Variants in SLC26A5 observed in about 807,000 individuals in gnomAD.
SLC26A5 encodes the protein solute carrier family 26 member 5, also known as prestin.
Under a neutral mutation model 81.0 loss-of-function variants are expected in SLC26A5, and 51 were observed. That is an observed-to-expected ratio of 0.63 (90% CI 0.50 to 0.80). The LOEUF is 0.80. Among genes scored for constraint, SLC26A5 ranks in the 30% least tolerant of loss-of-function variants. SLC26A5 has a pLI of 0.00. For synonymous variants in SLC26A5, 325 were observed against 332.8 expected (o/e 0.98, Z 0.25); for missense variants, 771 against 905.8 (o/e 0.85, Z 1.91).
At chr7:103,404,883 T>G (rs149413770) in intron 8 of SLC26A5, among the ~76,000 whole-genome samples, 3,421 of 152,198 alleles carry the variant, frequency 0.022, 143 homozygotes, top group African/African-American at 0.078. Context: ...TTCATTCCTT[T>G]TCATTCTTTT....
chr7:103,434,431 T>A (rs1219844854), intron 2 of SLC26A5, among the ~76,000 whole-genome samples: 1 of 152,204 alleles, frequency 6.6e-6, no homozygotes, highest in African/African-American at 2.4e-5. Context: ...TGCATGTTTT[T>A]TCATTCACTT....
chr7:103,434,483 CT>C (rs1001942469), intron 2 of SLC26A5, among the ~76,000 whole-genome samples: 5 of 152,206 alleles, frequency 3.3e-5, no homozygotes, highest in African/African-American at 4.8e-5. Context: ...ACTACAGGAA[CT>C]TTTTTTCCTA....
intron 19 of SLC26A5, chr7:103,355,879 C>G: frequency 1.1e-6 from 1 of 887,582 alleles, no homozygotes; most frequent in South Asian, 2.3e-5. Context: ...TGCAATAGTT[C>G]ATAAATAATT....
intron 19 of SLC26A5, chr7:103,362,003 A>C: frequency 6.2e-7 from 1 of 1,613,950 alleles, no homozygotes; most frequent in Non-Finnish European, 8.5e-7. Context: ...AAAATACATT[A>C]TCAACGTAAA....
intron 8 of SLC26A5, among the ~76,000 whole-genome samples, chr7:103,398,804 C>G (rs918488399): frequency 2.6e-5 from 4 of 152,116 alleles, no homozygotes; most frequent in Non-Finnish European, 4.4e-5. Context: ...CTGCAGGAAA[C>G]AAATAATAAA....
chr7:103,387,745 G>A (rs1329976157), intron 14 of SLC26A5, among the ~76,000 whole-genome samples: 5 of 152,044 alleles, frequency 3.3e-5, no homozygotes, highest in Non-Finnish European at 5.9e-5. Flanking sequence ...GCAATGGCAC[G>A]ACCTCGGCTC....
At chr7:103,387,075 T>C (rs938536956) in intron 14 of SLC26A5, among the ~76,000 whole-genome samples, 1 of 152,232 alleles carries the variant, frequency 6.6e-6, no homozygotes, top group Non-Finnish European at 1.5e-5. Flanking sequence ...GTTATAGATA[T>C]TTTAAAACCA....
At chr7:103,416,117 T>C (rs561153158) in intron 4 of SLC26A5, among the ~76,000 whole-genome samples, 3 of 152,258 alleles carry the variant, frequency 2.0e-5, no homozygotes, top group Non-Finnish European at 2.9e-5. Flanking sequence ...CCTGTTTTTG[T>C]TTCATAGATT....
intron 10 of SLC26A5, among the ~76,000 whole-genome samples, 181 bp from the exon 11 acceptor site, chr7:103,391,916 G>A (rs1481543894): frequency 6.6e-6 from 1 of 152,184 alleles, no homozygotes; most frequent in Admixed American, 6.5e-5. Flanking sequence ...ATAGTGAGAG[G>A]GGGGAACATT....
At chr7:103,440,179 T>C (rs1826774645) in intron 2 of SLC26A5, among the ~76,000 whole-genome samples, 1 of 152,172 alleles carries the variant, frequency 6.6e-6, no homozygotes. Context: ...TAGATATTTG[T>C]TGGATAATGA....
intron 4 of SLC26A5, 73 bp downstream of exon 4, chr7:103,420,665 A>C: frequency 6.4e-7 from 1 of 1,568,726 alleles, no homozygotes; most frequent in Non-Finnish European, 8.7e-7. Flanking sequence ...ATTTGCAATC[A>C]TGATGAAATA....
chr7:103,391,876 G>A (rs1822689060), intron 10 of SLC26A5, 141 bp from the exon 11 acceptor site: 6 of 738,456 alleles, frequency 8.1e-6, no homozygotes, highest in Non-Finnish European at 1.4e-5. Flanking sequence ...TGTTCAGCAT[G>A]AGTTCAAAAT....
At chr7:103,409,616 C>T (rs1314571922) in intron 7 of SLC26A5, among the ~76,000 whole-genome samples, 1 of 151,982 alleles carries the variant, frequency 6.6e-6, no homozygotes, top group East Asian at 1.9e-4. Flanking sequence ...TTTATATTTT[C>T]TCTGTGTTTG....
intron 14 of SLC26A5, among the ~76,000 whole-genome samples, chr7:103,387,803 T>G (rs1295587967): frequency 6.6e-6 from 1 of 152,148 alleles, no homozygotes; most frequent in African/African-American, 2.4e-5. Context: ...TGCCTCAGCC[T>G]CCTAAGTAGC....
At chr7:103,417,648 C>T (rs1323257034) in intron 4 of SLC26A5, among the ~76,000 whole-genome samples, 1 of 152,156 alleles carries the variant, frequency 6.6e-6, no homozygotes, top group African/African-American at 2.4e-5. Context: ...TTTGGGCTCA[C>T]CATATATTAA....
At chr7:103,366,176 C>T (rs760231306) in intron 19 of SLC26A5, 30 of 1,586,462 alleles carry the variant, frequency 1.9e-5, no homozygotes, top group Non-Finnish European at 2.5e-5. Flanking sequence ...GAGAATGATA[C>T]GTTAGAGAAC....
At chr7:103,399,969 A>G (rs953226493) in intron 8 of SLC26A5, among the ~76,000 whole-genome samples, 1 of 152,080 alleles carries the variant, frequency 6.6e-6, no homozygotes, top group African/African-American at 2.4e-5. Flanking sequence ...CCAGTCTATC[A>G]TTGATGGGCA....
intron 19 of SLC26A5, among the ~76,000 whole-genome samples, chr7:103,375,786 T>C (rs1199975347): frequency 6.6e-6 from 1 of 151,546 alleles, no homozygotes; most frequent in Non-Finnish European, 1.5e-5. Flanking sequence ...GACGGAGTCT[T>C]ACTCTGTCAC....
At chr7:103,435,110 C>T (rs1158082538) in intron 2 of SLC26A5, 1 of 152,142 alleles carries the variant, frequency 6.6e-6, no homozygotes, top group African/African-American at 2.4e-5. Flanking sequence ...CCATTATTAG[C>T]CTTCTAGTAA....
Sources: allele counts gnomAD v4.1 joint callset (sites outside exome capture counted in the v4.1 genomes callset), GRCh38; gene constraint gnomAD v4.1.1; transcripts MANE v1.5; gene names NCBI Gene and HGNC (gene_info 2026-07-23, HGNC 2026-07-21).